The following DPP6 variants were observed in gnomAD, a reference collection of about 807,000 sequenced individuals.
The protein encoded by DPP6 is A-type potassium channel modulatory protein DPP6.
A neutral mutation model predicts 122.6 loss-of-function variants in DPP6; 69 were observed. The ratio of observed to expected loss-of-function variants is 0.56; its 90% CI spans 0.46 to 0.69. The LOEUF (loss-of-function observed/expected upper bound fraction) is 0.69, where lower values mean the gene tolerates loss of function less well. Ranked by LOEUF, DPP6 falls within the 30% of genes least tolerant of loss-of-function variation. DPP6 has a pLI of 0.00. For missense variants in DPP6, 928 were observed against 1,116.9 expected (o/e 0.83, Z 2.41); for synonymous variants, 418 against 433.1 (o/e 0.97, Z 0.43).
intron 1 of DPP6, among the ~76,000 whole-genome samples, chr7:154,424,993 C>T (rs1482558283): frequency 6.6e-6 from 1 of 152,162 alleles, no homozygotes; most frequent in South Asian, 2.1e-4. Flanking sequence ...GGATTGGATA[C>T]CCATGAAGTC....
At position 154,062,963 on chromosome 7, in the gene DPP6, G is replaced by T. The variant is rs1247541603; in HGVS notation, c.243+9900G>T. On this transcript the variant is annotated intron_variant, in intron 1 of 25. Coordinates refer to ENST00000377770, the MANE Select transcript of DPP6 (RefSeq NM_130797.4). ...AGGTAGAAATTTCAAATCTTCCGAC[G>T]GCAGGTACCTTACGTGGAATTACTG... is the stretch of plus-strand genomic sequence containing the variant. 8.2e-5 allele frequency among the ~76,000 whole-genome samples: 11 copies of T among 134,034 alleles called. 2 individuals carry two copies. Among genetic ancestry groups the T allele is most frequent in the African/African-American group, 3.0e-4 (11 of 36,884 alleles). 87.9% of individuals were successfully genotyped at this position (134,034 alleles called of 152,430 possible).
At chr7:154,007,443 C>A (rs1024695617) in intron 1 of DPP6, among the ~76,000 whole-genome samples, 23 of 152,256 alleles carry the variant, frequency 1.5e-4, no homozygotes, top group Non-Finnish European at 2.8e-4. Flanking sequence ...TTCAGGAAAA[C>A]TCAGGTACCT....
At chr7:154,547,493 G>A (rs1190898727) in intron 4 of DPP6, among the ~76,000 whole-genome samples, 2 of 152,238 alleles carry the variant, frequency 1.3e-5, no homozygotes, top group African/African-American at 4.8e-5. Context: ...CCCTCAGACA[G>A]GACATGGGCC....
chr7:154,211,941 T>C (rs542323204), intron 1 of DPP6, among the ~76,000 whole-genome samples: 1 of 151,920 alleles, frequency 6.6e-6, no homozygotes, highest in African/African-American at 2.4e-5. Flanking sequence ...AGGGATGATA[T>C]TTCTCAAACT....
chr7:154,591,395 G>A (rs906103490), intron 5 of DPP6, among the ~76,000 whole-genome samples: 6 of 152,208 alleles, frequency 3.9e-5, no homozygotes, highest in Non-Finnish European at 1.5e-5. Context: ...TGAGGAGGAT[G>A]AGGATGATGA....
chr7:154,213,506 G>A (rs780257566), intron 1 of DPP6, among the ~76,000 whole-genome samples: 12 of 152,260 alleles, frequency 7.9e-5, no homozygotes, highest in Non-Finnish European at 1.5e-4. Context: ...ATGTAATGTG[G>A]ATACAAAAGA....
chr7:154,240,690 A>C (rs1380009688), intron 1 of DPP6, among the ~76,000 whole-genome samples: 1 of 152,214 alleles, frequency 6.6e-6, no homozygotes, highest in African/African-American at 2.4e-5. Flanking sequence ...TGCAGAGGGA[A>C]AGGATGTAAC....
At chr7:153,868,635 G>T in the DPP6 span, among the ~76,000 whole-genome samples, 23 of 151,952 alleles carry the variant, frequency 1.5e-4, 1 homozygote, top group Admixed American at 9.8e-4. Context: ...GAAGGGTTTT[G>T]TGTGTCTCTA....
At chr7:154,055,593 A>G (rs1390732988) in intron 1 of DPP6, 3 of 152,064 alleles carry the variant, frequency 2.0e-5, no homozygotes, top group Non-Finnish European at 2.9e-5. Flanking sequence ...TTAGGAACAC[A>G]TTGCATTTTA....
chr7:153,884,902 C>T (rs550192399), upstream of DPP6, among the ~76,000 whole-genome samples: 4 of 150,678 alleles, frequency 2.7e-5, no homozygotes, highest in East Asian at 7.9e-4. Flanking sequence ...ATCACTTGAA[C>T]CTGGGAGGCG....
chr7:154,610,744 T>TGTGA (rs1347436556), intron 5 of DPP6, among the ~76,000 whole-genome samples: 7 of 143,002 alleles, frequency 4.9e-5, no homozygotes, highest in South Asian at 2.2e-4. Flanking sequence ...TGTGTGTGTG[T>TGTGA]GATTGTGCAC....
At chr7:154,086,705 G>A (rs1804450325) in intron 1 of DPP6, among the ~76,000 whole-genome samples, 1 of 148,520 alleles carries the variant, frequency 6.7e-6, no homozygotes, top group South Asian at 2.1e-4. Context: ...TGCAACCTCT[G>A]CCTCCCAGAT....
At chr7:154,782,725 G>T (rs571221141) in intron 10 of DPP6, among the ~76,000 whole-genome samples, 2 of 152,216 alleles carry the variant, frequency 1.3e-5, no homozygotes, top group Admixed American at 1.3e-4. Context: ...CCCACCCCCA[G>T]AGTTTCAGAT....
chr7:154,228,959 G>T (rs1800764606), intron 1 of DPP6, among the ~76,000 whole-genome samples: 1 of 152,190 alleles, frequency 6.6e-6, no homozygotes, highest in Admixed American at 6.5e-5. Flanking sequence ...AGTATGGTAA[G>T]GTGAATGCCT....
chr7:154,728,022 A>T, intron 8 of DPP6, 135 bp downstream of exon 8: 1 of 1,426,810 alleles, frequency 7.0e-7, no homozygotes, highest in African/African-American at 1.4e-5. Context: ...TGCAAAATTT[A>T]AAAGATTTTG....
intron 1 of DPP6, among the ~76,000 whole-genome samples, chr7:154,340,638 A>T (rs1224351524): frequency 6.6e-6 from 1 of 152,220 alleles, no homozygotes; most frequent in African/African-American, 2.4e-5. Context: ...ACTTCCATTA[A>T]TTTTTTAGAT....
At chr7:154,892,151 G>A (rs1366920785) in intron 25 of DPP6, among the ~76,000 whole-genome samples, 183 bp from the exon 26 acceptor site, 2 of 152,184 alleles carry the variant, frequency 1.3e-5, no homozygotes, top group African/African-American at 4.8e-5. Context: ...GGACAGCCAG[G>A]CAGATCTCCC....
At chr7:154,637,776 G>C (rs1396550552) in intron 5 of DPP6, 45 bp from the exon 6 acceptor site, 1 of 1,535,448 alleles carries the variant, frequency 6.5e-7, no homozygotes, top group Admixed American at 2.1e-5. Context: ...CATCGTAACA[G>C]CCTTTGTCTC....
At chr7:154,426,857 T>C (rs1817961500) in intron 1 of DPP6, among the ~76,000 whole-genome samples, 3 of 151,744 alleles carry the variant, frequency 2.0e-5, no homozygotes, top group South Asian at 4.2e-4. Flanking sequence ...TCAAAAAAGT[T>C]TGTATGCACA....
Sources: allele counts gnomAD v4.1 joint callset (sites outside exome capture counted in the v4.1 genomes callset), GRCh38; gene constraint gnomAD v4.1.1; transcripts MANE v1.5; gene names NCBI Gene and HGNC (gene_info 2026-07-23, HGNC 2026-07-21).